Variants in ARL5A observed in about 807,000 individuals in gnomAD.
The protein encoded by ARL5A is ARF like GTPase 5A.
ARL5A carries 18 observed loss-of-function variants against 25.9 expected under a neutral mutation model. The observed-to-expected ratio is 0.69, with a 90% confidence interval of 0.48 to 1.03. The LOEUF (loss-of-function observed/expected upper bound fraction) is 1.03. Ranked by LOEUF, ARL5A falls within the 50% of genes least tolerant of loss-of-function variation. The probability of loss-of-function intolerance (pLI) is 0.00; values close to 1 mark genes in which losing one functional copy is unlikely to be tolerated. For synonymous variants in ARL5A, 61 were observed against 67.5 expected, an observed-to-expected ratio of 0.90 and a Z score of 0.47; for missense variants, 170 against 211.9, an observed-to-expected ratio of 0.80 and a Z score of 1.23.
chr2:151,800,225 T>G lies in ARL5A; in HGVS notation c.*3051A>C, dbSNP rs2099829223. Reference sequence around the variant, plus strand: ...AAACAGGTTTGGAGGTTGTCTGTACTGTATGTGGTTGCTGTAGTGACAAGA... The same window carrying G: ...AAACAGGTTTGGAGGTTGTCTGTACGGTATGTGGTTGCTGTAGTGACAAGA... On this transcript the variant is annotated 3_prime_UTR_variant, in exon 6 of 6. Coordinates refer to ENST00000295087, the MANE Select transcript of ARL5A (RefSeq NM_012097.4). 1 of 83,960 alleles carries G rather than the reference T, an allele frequency of 1.2e-5. No homozygotes were observed. Among genetic ancestry groups the G allele is most frequent in the East Asian group, 2.4e-4 (1 of 4,172 alleles). The allele number at this position is 83,960 out of a possible 1,614,324, so 5.2% of individuals were successfully genotyped here. A position where few individuals can be genotyped will look rare whatever the true frequency, so the allele number is the denominator to read the frequency against.
chr2:151,826,498 T>C (rs1208775535), intron 1 of ARL5A, among the ~76,000 whole-genome samples: 1 of 152,204 alleles, frequency 6.6e-6, no homozygotes, highest in Non-Finnish European at 1.5e-5. Flanking sequence ...TGACTCAAAA[T>C]AGAAAGTGGT....
chr2:151,817,732 TG>T (rs1297625058), intron 1 of ARL5A, among the ~76,000 whole-genome samples: 1 of 152,236 alleles, frequency 6.6e-6, no homozygotes, highest in Admixed American at 6.5e-5. Flanking sequence ...CCAGGTGTGG[TG>T]GCTCATGCCT....
rs1477804323 is a variant in ARL5A, at chr2:151,810,036, C to T, written c.339+2321G>A. Among the ~76,000 whole-genome samples the T allele has an allele frequency of 3.3e-5, 5 of 152,090 alleles. 1 individual carries two copies. Among genetic ancestry groups the T allele is most frequent in the South Asian group, 4.1e-4 (2 of 4,822 alleles). ...AGATGGAGGTTGCAGTGAGCCGATACGGTGCCACTGCACTCCAGCCTGGGC... is the reference window on the plus strand; with the variant it reads ...AGATGGAGGTTGCAGTGAGCCGATATGGTGCCACTGCACTCCAGCCTGGGC... On this transcript the variant is annotated intron_variant, in intron 4 of 5. Transcript: ENST00000295087.
chr2:151,826,500 G>C (rs942943686), intron 1 of ARL5A, among the ~76,000 whole-genome samples: 1 of 152,196 alleles, frequency 6.6e-6, no homozygotes, highest in Admixed American at 6.5e-5. Flanking sequence ...ACTCAAAATA[G>C]AAAGTGGTGA....
At chr2:151,828,006 T>G (rs2099833316) in intron 1 of ARL5A, 125 bp downstream of exon 1, 5 of 1,005,286 alleles carry the variant, frequency 5.0e-6, no homozygotes, top group Non-Finnish European at 7.6e-6. Context: ...CCGCGCAGCC[T>G]GCACCCCGCG....
intron 1 of ARL5A, 79 bp from the exon 2 acceptor site, chr2:151,815,278 T>TA (rs2099831345): frequency 8.9e-7 from 1 of 1,125,184 alleles, no homozygotes; most frequent in African/African-American, 1.6e-5. Flanking sequence ...ATATACTCTG[T>TA]ATCTCACCCT....
chr2:151,819,144 T>TA (rs1247091537), intron 1 of ARL5A, among the ~76,000 whole-genome samples: 3 of 152,170 alleles, frequency 2.0e-5, no homozygotes, highest in East Asian at 3.9e-4. Context: ...AAAGAATGAC[T>TA]AAAAAATGTG....
chr2:151,827,867 C>A, intron 1 of ARL5A: 1 of 503,250 alleles, frequency 2.0e-6, no homozygotes, highest in Non-Finnish European at 3.5e-6. Context: ...TTACCACTCT[C>A]ATTCGAAATC....
chr2:151,825,411 C>T (rs2099832916), intron 1 of ARL5A, among the ~76,000 whole-genome samples: 1 of 152,146 alleles, frequency 6.6e-6, no homozygotes, highest in African/African-American at 2.4e-5. Context: ...AAAATCATTC[C>T]ACTTAAGCCT....
chr2:151,806,363 A>C (rs768332382), intron 5 of ARL5A, among the ~76,000 whole-genome samples: 1 of 152,164 alleles, frequency 6.6e-6, no homozygotes, highest in East Asian at 1.9e-4. Flanking sequence ...TCAGACATGA[A>C]TTCTCTTTGA....
rs371488637 is a variant in ARL5A, at chr2:151,807,688, T to C, written c.340-716A>G. On this transcript the variant is annotated intron_variant, in intron 4 of 5. Transcript: ENST00000295087. ...ATCCTATTCACCCTAATTTCTGTCA[T>C]TGTATATGAAGATTTCTTAGATTTG... Among the ~76,000 whole-genome samples the C allele has an allele frequency of 1.4e-4, 22 of 152,284 alleles. No homozygotes were observed. The East Asian group carries it at 3.1e-3, about 21-fold the overall frequency.
chr2:151,817,442 A>G (rs62174411), intron 1 of ARL5A, among the ~76,000 whole-genome samples: 3,269 of 152,374 alleles, frequency 0.021, 32 homozygotes, highest in East Asian at 0.049. Flanking sequence ...GTTGAGGATT[A>G]TAACACCTCA....
At chr2:151,816,159 G>T (rs1034174869) in intron 1 of ARL5A, among the ~76,000 whole-genome samples, 4 of 152,080 alleles carry the variant, frequency 2.6e-5, no homozygotes, top group African/African-American at 4.8e-5. Context: ...GTCCTCCTAG[G>T]GTAAGTCAGA....
chr2:151,801,847 A>T lies in ARL5A; in HGVS notation c.*1429T>A, dbSNP rs1578368821. ...TTAACCTTCAGATTTTCAAGGCATG[A>T]AAGATACATAAATAGAGTACCCAAG... On this transcript the variant is annotated 3_prime_UTR_variant, in exon 6 of 6. Coordinates refer to ENST00000295087, the MANE Select transcript of ARL5A (RefSeq NM_012097.4). The T allele has an allele frequency of 1.3e-5, 2 of 152,218 alleles. No individual in the cohort carries two copies. Among genetic ancestry groups the T allele is most frequent in the African/African-American group, 4.8e-5 (2 of 41,566 alleles). 9.4% of individuals were successfully genotyped at this position (152,218 alleles called of 1,614,324 possible).
intron 1 of ARL5A, among the ~76,000 whole-genome samples, chr2:151,823,542 G>C (rs546180545): frequency 6.6e-6 from 1 of 152,208 alleles, no homozygotes; most frequent in East Asian, 1.9e-4. Context: ...AATATTACAG[G>C]GGACTGGAGT....
chr2:151,827,807 A>G lies in ARL5A; in HGVS notation c.46+324T>C. 3 of 366,918 alleles carry G rather than the reference A, an allele frequency of 8.2e-6. No individual in the cohort carries two copies. The South Asian group carries it at 9.2e-5, about 11-fold the overall frequency. The allele number at this position is 366,918 out of a possible 1,614,324, so 22.7% of individuals were successfully genotyped here. On this transcript the variant is annotated intron_variant, in intron 1 of 5. Transcript: ENST00000295087. ...TGGTGAGCAAAGAAAGGGCTGAAAGACAGGCCAGGCCGTGCTACTCAGGGA... is the reference window on the plus strand; with the variant it reads ...TGGTGAGCAAAGAAAGGGCTGAAAGGCAGGCCAGGCCGTGCTACTCAGGGA...
intron 1 of ARL5A, chr2:151,827,816 G>A: frequency 5.1e-6 from 2 of 393,310 alleles, no homozygotes; most frequent in South Asian, 2.8e-5. Flanking sequence ...GACAGGCCAG[G>A]CCGTGCTACT....
chr2:151,812,218 T>G, intron 4 of ARL5A, 139 bp downstream of exon 4: 1 of 506,570 alleles, frequency 2.0e-6, no homozygotes, highest in East Asian at 3.2e-5. Context: ...GATGTCAGAG[T>G]AATTGAGCAG....
At chr2:151,816,980 T>G (rs1335576358) in intron 1 of ARL5A, among the ~76,000 whole-genome samples, 1 of 152,250 alleles carries the variant, frequency 6.6e-6, no homozygotes, top group Non-Finnish European at 1.5e-5. Context: ...AGGTTAGGTG[T>G]AATAAATGTG....
Sources: gnomAD v4.1 joint callset for allele counts (sites outside exome capture counted in the v4.1 genomes callset) on GRCh38, gnomAD v4.1.1 for gene constraint, MANE v1.5 for transcripts, NCBI Gene and HGNC (gene_info 2026-07-23, HGNC 2026-07-21) for gene names.